ZNF33A: variants seen among roughly 807,000 people sequenced by gnomAD.
ZNF33A encodes the protein brain my041 protein.
In ZNF33A, 9 loss-of-function variants were observed where a neutral mutation model predicts 15.9. The observed-to-expected ratio is 0.57, with a 90% CI of 0.34 to 0.99. The LOEUF (loss-of-function observed/expected upper bound fraction) is 0.99, where lower values mean the gene tolerates loss of function less well. Among genes scored for constraint, ZNF33A ranks in the 50% least tolerant of loss-of-function variants. ZNF33A has a pLI of 0.02. For missense variants in ZNF33A, 843 were observed against 941.6 expected, an observed-to-expected ratio of 0.90 and a Z score of 1.37; for synonymous variants, 294 against 324.2, an observed-to-expected ratio of 0.91 and a Z score of 1.00.
intron 4 of ZNF33A, among the ~76,000 whole-genome samples, chr10:38,050,132 G>A (rs1416509964): frequency 6.6e-6 from 1 of 152,166 alleles, no homozygotes; most frequent in African/African-American, 2.4e-5. Context: ...TTCAAGAAGA[G>A]GGAATACTTC....
intron 4 of ZNF33A, among the ~76,000 whole-genome samples, chr10:38,053,624 T>A (rs1020658289): frequency 6.6e-6 from 1 of 152,136 alleles, no homozygotes; most frequent in Non-Finnish European, 1.5e-5. Flanking sequence ...TAATAAGACT[T>A]GAATTACAAG....
chr10:38,063,422 T>C (rs2066678960), downstream of ZNF33A, among the ~76,000 whole-genome samples: 2 of 149,482 alleles, frequency 1.3e-5, no homozygotes, highest in African/African-American at 4.9e-5. Flanking sequence ...ACAAAAATTA[T>C]TTATAACAAA....
chr10:38,059,976 C>A lies in ZNF33A; in HGVS notation c.*3416C>A. 1 of 791,126 alleles carries A rather than the reference C, an allele frequency of 1.3e-6. No homozygotes were observed. Among genetic ancestry groups the A allele is most frequent in the Non-Finnish European group, 1.5e-6 (1 of 652,684 alleles). 49.0% of individuals were successfully genotyped at this position (791,126 alleles called of 1,614,324 possible). Reference sequence around the variant, plus strand: ...AAGGGTTATATGAGAATTCTCTATACTTTTTGCTCAACTTTCTGTAACCCT... The same window carrying A: ...AAGGGTTATATGAGAATTCTCTATAATTTTTGCTCAACTTTCTGTAACCCT... On this transcript the variant is annotated 3_prime_UTR_variant, in exon 5 of 5. Coordinates refer to ENST00000432900, the MANE Select transcript of ZNF33A (RefSeq NM_006954.2).
At chr10:38,041,706 A>T (rs943299713) in intron 4 of ZNF33A, among the ~76,000 whole-genome samples, 11 of 152,180 alleles carry the variant, frequency 7.2e-5, no homozygotes, top group African/African-American at 2.7e-4. Context: ...TGGATTTGGG[A>T]AGCTCAACCA....
At chr10:38,043,816 C>T (rs1168988350) in intron 4 of ZNF33A, 2 of 151,010 alleles carry the variant, frequency 1.3e-5, no homozygotes, top group Non-Finnish European at 2.9e-5. Context: ...TTGATGCTTT[C>T]AAGATTTTCT....
Position 38,058,976 on chromosome 10 carries a change from A to G in ZNF33A, c.*2416A>G, listed in dbSNP as rs1450124990. 1.3e-5 allele frequency: 2 copies of G among 152,216 alleles called. No homozygotes were observed. The allele number at this position is 152,216 out of a possible 1,614,324, so 9.4% of individuals were successfully genotyped here. Reference sequence around the variant, plus strand: ...CCAGGCAAAGATATTACAAGAAAGGAAAACTACAGATCAATATTTCCATTG... The same window carrying G: ...CCAGGCAAAGATATTACAAGAAAGGGAAACTACAGATCAATATTTCCATTG... On this transcript the variant is annotated 3_prime_UTR_variant, in exon 5 of 5. Coordinates refer to ENST00000432900, the MANE Select transcript of ZNF33A (RefSeq NM_006954.2).
chr10:38,025,190 C>G (rs190312184), intron 4 of ZNF33A, among the ~76,000 whole-genome samples: 32 of 152,196 alleles, frequency 2.1e-4, no homozygotes, highest in African/African-American at 7.2e-4. Context: ...TAAGGAGTGA[C>G]TACTGTATGT....
chr10:38,061,498 G>A (rs1186728800), downstream of ZNF33A, among the ~76,000 whole-genome samples: 5 of 152,162 alleles, frequency 3.3e-5, no homozygotes, highest in African/African-American at 4.8e-5. Context: ...TGGCATTGCT[G>A]CTTGCCAACA....
At chr10:38,062,960 G>A (rs1336576553), downstream of ZNF33A, among the ~76,000 whole-genome samples, 6 of 128,106 alleles carry the variant, frequency 4.7e-5, no homozygotes, top group South Asian at 2.5e-4. Flanking sequence ...CTGAGATCAC[G>A]CCGCTGCACT....
intron 2 of ZNF33A, among the ~76,000 whole-genome samples, chr10:38,012,888 C>CAGACAGACAG (rs1227207027): frequency 2.6e-5 from 4 of 152,160 alleles, no homozygotes; most frequent in African/African-American, 9.7e-5. Context: ...GAAAGGAAGA[C>CAGACAGACAG]ACTGGATACA....
chr10:38,021,789 T>C (rs2064758518), intron 4 of ZNF33A, among the ~76,000 whole-genome samples: 1 of 152,216 alleles, frequency 6.6e-6, no homozygotes, highest in African/African-American at 2.4e-5. Context: ...TGAGTATGTA[T>C]GTTTTCTGGC....
chr10:38,054,284 C>A, intron 4 of ZNF33A, 91 bp from the exon 5 acceptor site: 1 of 1,335,372 alleles, frequency 7.5e-7, no homozygotes, highest in Non-Finnish European at 9.9e-7. Context: ...AAAAACCAGT[C>A]AGCTGCAACA....
At chr10:38,039,600 A>G (rs755866976) in intron 4 of ZNF33A, 27 of 452,654 alleles carry the variant, frequency 6.0e-5, no homozygotes, top group South Asian at 3.3e-4. Flanking sequence ...TTCTTTTTCT[A>G]CTTGAGTTGG....
chr10:38,060,373 T>G (rs1244034532), downstream of ZNF33A, among the ~76,000 whole-genome samples: 3 of 152,134 alleles, frequency 2.0e-5, no homozygotes, highest in Non-Finnish European at 2.9e-5. Context: ...TAGTAAGATT[T>G]GCTTCCCTGC....
intron 4 of ZNF33A, among the ~76,000 whole-genome samples, chr10:38,037,416 T>G (rs2065501842): frequency 6.6e-6 from 1 of 151,772 alleles, no homozygotes; most frequent in Non-Finnish European, 1.5e-5. Context: ...CTCTGCCCCC[T>G]GGGTTCACGC....
At chr10:38,032,009 T>C (rs2065234176) in intron 4 of ZNF33A, among the ~76,000 whole-genome samples, 2 of 152,122 alleles carry the variant, frequency 1.3e-5, no homozygotes, top group Non-Finnish European at 2.9e-5. Flanking sequence ...AAACATATTG[T>C]ATACTATTTG....
At chr10:38,035,198 A>C (rs1007858115) in intron 4 of ZNF33A, among the ~76,000 whole-genome samples, 1 of 138,284 alleles carries the variant, frequency 7.2e-6, no homozygotes, top group East Asian at 2.3e-4. Flanking sequence ...GCTCACGGCA[A>C]CCTCCGCCTC....
intron 2 of ZNF33A, among the ~76,000 whole-genome samples, chr10:38,014,332 GGC>G (rs1333381278): frequency 6.6e-6 from 1 of 152,026 alleles, no homozygotes; most frequent in African/African-American, 2.4e-5. Context: ...CACCGTGCCT[GGC>G]CAAATATTTA....
chr10:38,018,933 C>T (rs1398389385), intron 4 of ZNF33A, among the ~76,000 whole-genome samples: 1 of 151,126 alleles, frequency 6.6e-6, no homozygotes, highest in Non-Finnish European at 1.5e-5. Flanking sequence ...AAACCAAAGA[C>T]AAAAATTTTC....
Sources: gnomAD v4.1 joint callset for allele counts (sites outside exome capture counted in the v4.1 genomes callset) on GRCh38, gnomAD v4.1.1 for gene constraint, MANE v1.5 for transcripts, NCBI Gene and HGNC (gene_info 2026-07-23, HGNC 2026-07-21) for gene names.